The following CFAP418 variants were observed in gnomAD, a reference collection of about 807,000 sequenced individuals.
The protein encoded by CFAP418 is cilia- and flagella-associated protein 418.
A neutral mutation model predicts 24.7 loss-of-function variants in CFAP418; 27 were observed. The observed-to-expected ratio is 1.09, with a 90% CI of 0.81 to 1.51. The LOEUF (loss-of-function observed/expected upper bound fraction) is 1.51. Among genes scored for constraint, CFAP418 ranks in the 40% most tolerant of loss-of-function variants. The pLI is 0.00. For missense variants in CFAP418, 257 were observed against 255.2 expected (o/e 1.01, Z -0.05); for synonymous variants, 74 against 87.3 (o/e 0.85, Z 0.85).
intron 1 of CFAP418, among the ~76,000 whole-genome samples, chr8:95,264,032 T>C (rs1185310987): frequency 1.3e-5 from 2 of 152,224 alleles, no homozygotes; most frequent in African/African-American, 4.8e-5. Flanking sequence ...ATATACATTA[T>C]ATTCAAGAGG....
intron 2 of CFAP418, among the ~76,000 whole-genome samples, chr8:95,260,896 GA>G (rs1468257458): frequency 6.6e-6 from 1 of 152,122 alleles, no homozygotes; most frequent in Non-Finnish European, 1.5e-5. Flanking sequence ...TTCAATTGAG[GA>G]GGAAAAAAAC....
intron 4 of CFAP418, among the ~76,000 whole-genome samples, chr8:95,255,257 A>G (rs1431617070): frequency 6.6e-6 from 1 of 152,078 alleles, no homozygotes; most frequent in East Asian, 1.9e-4. Flanking sequence ...CTCTCTCTCC[A>G]GCCCAGTCAG....
At chr8:95,266,376 A>G (rs1811981250) in intron 1 of CFAP418, among the ~76,000 whole-genome samples, 1 of 152,142 alleles carries the variant, frequency 6.6e-6, no homozygotes, top group African/African-American at 2.4e-5. Context: ...ATCATTTTGA[A>G]CACTTCAACA....
intron 4 of CFAP418, among the ~76,000 whole-genome samples, chr8:95,255,524 T>A (rs1003886903): frequency 1.3e-5 from 2 of 152,252 alleles, no homozygotes; most frequent in South Asian, 4.1e-4. Context: ...GTATCCCATA[T>A]GTTCCCTTTA....
chr8:95,258,298 C>T (rs1263447922), intron 4 of CFAP418, among the ~76,000 whole-genome samples: 7 of 145,178 alleles, frequency 4.8e-5, no homozygotes, highest in South Asian at 2.2e-4. Context: ...AGGAGAATGG[C>T]GTGAACCTGG....
At chr8:95,263,075 A>G (rs7815255) in intron 2 of CFAP418, among the ~76,000 whole-genome samples, 52,874 of 151,984 alleles carry the variant, frequency 0.35, 9,727 homozygotes, top group South Asian at 0.46. Flanking sequence ...AGGCAATAGA[A>G]TAGGATTTAG....
At chr8:95,268,204 A>G (rs1023053196) in intron 1 of CFAP418, among the ~76,000 whole-genome samples, 1 of 152,172 alleles carries the variant, frequency 6.6e-6, no homozygotes, top group Non-Finnish European at 1.5e-5. Flanking sequence ...CCTAGCAGTT[A>G]GGGGAGGCAG....
At chr8:95,258,271 G>A (rs1224094575) in intron 4 of CFAP418, among the ~76,000 whole-genome samples, 2 of 150,858 alleles carry the variant, frequency 1.3e-5, no homozygotes, top group East Asian at 1.9e-4. Context: ...AGTCCCAGCT[G>A]CTCGGGAGGC....
At chr8:95,264,919 A>G (rs1811951552) in intron 1 of CFAP418, among the ~76,000 whole-genome samples, 1 of 152,178 alleles carries the variant, frequency 6.6e-6, no homozygotes, top group Non-Finnish European at 1.5e-5. Context: ...AGGTATGCTC[A>G]AGGCTTGCTT....
chr8:95,269,061 G>A lies in CFAP418; in HGVS notation c.129C>T (p.Asn43=), dbSNP rs759868148. ...CGGGTHSSDR[N]QAKAKETLRS... is the part of the protein sequence containing the mutation. ...TGAGCGTCTCTTTCGCCTTGGCTTG[G>A]TTCCGGTCGCTACTGTGGGTGCCGC... is the stretch of plus-strand genomic sequence containing the variant. Residue 43 remains asparagine, a synonymous_variant, in exon 1 of 6, where the codon AAC becomes AAT. Transcript: ENST00000286688. 6 of 1,614,148 alleles carry A rather than the reference G, an allele frequency of 3.7e-6. No homozygotes were observed. Among genetic ancestry groups the A allele is most frequent in the Non-Finnish European group, 5.1e-6 (6 of 1,180,002 alleles).
At chr8:95,263,145 G>A (rs987006994) in intron 2 of CFAP418, among the ~76,000 whole-genome samples, 1 of 152,104 alleles carries the variant, frequency 6.6e-6, no homozygotes, top group African/African-American at 2.4e-5. Context: ...GTCCAGTAAA[G>A]CAAATGTGGC....
rs1416541940 is a variant in CFAP418 at position 95,244,989 on chromosome 8, T to G, written c.*2628A>C. ...TACAGAGTAATTATTTATTACTTAT[T>G]CATTTCTAGGCAGGATGAGGGTCTG... is the stretch of plus-strand genomic sequence containing the variant. On this transcript the variant is annotated 3_prime_UTR_variant, in exon 6 of 6. Transcript: ENST00000286688. 1 of 152,198 alleles carries G rather than the reference T, an allele frequency of 6.6e-6. No individual in the cohort carries two copies. The highest frequency in any genetic ancestry group is 2.4e-5 in the African/African-American group (1 of 41,456). 9.4% of individuals were successfully genotyped at this position (152,198 alleles called of 1,614,324 possible). A position where few individuals can be genotyped will look rare whatever the true frequency, so the allele number is the denominator to read the frequency against.
At chr8:95,258,045 T>C (rs1263477706) in intron 4 of CFAP418, among the ~76,000 whole-genome samples, 1 of 152,056 alleles carries the variant, frequency 6.6e-6, no homozygotes, top group Non-Finnish European at 1.5e-5. Flanking sequence ...AGGCCCAGGC[T>C]AATGTGAGTG....
rs1199998229 is a variant in CFAP418, at chr8:95,259,703, G to T, written c.374+137C>A. The T allele has an allele frequency of 5.7e-6, 4 of 695,874 alleles. No individual in the cohort carries two copies. In the Admixed American group the frequency reaches 9.5e-5, roughly 16 times the overall value. The allele number at this position is 695,874 out of a possible 1,614,324, so 43.1% of individuals were successfully genotyped here. On this transcript the variant is annotated intron_variant, in intron 4 of 5. Coordinates refer to ENST00000286688, the MANE Select transcript of CFAP418 (RefSeq NM_177965.4). ...CTATCTCCCAAGAATAAAAAACAAA[G>T]AATTCTTAGATTAGCTAATAAAAAT...
At chr8:95,253,153 C>CA in intron 4 of CFAP418, among the ~76,000 whole-genome samples, 1 of 151,992 alleles carries the variant, frequency 6.6e-6, no homozygotes, top group African/African-American at 2.4e-5. Context: ...ACTAAAAATA[C>CA]AAAAAAATTA....
intron 1 of CFAP418, among the ~76,000 whole-genome samples, chr8:95,265,380 C>G (rs936367798): frequency 6.6e-6 from 1 of 152,070 alleles, no homozygotes; most frequent in South Asian, 2.1e-4. Context: ...TTTAAAATTT[C>G]TTTCAGGTAT....
At position 95,245,580 on chromosome 8, in the gene CFAP418, A is replaced by T. The variant is rs1363801033; in HGVS notation, c.*2037T>A. 1.3e-5 allele frequency: 2 copies of T among 152,130 alleles called. No individual in the cohort carries two copies. Among genetic ancestry groups the T allele is most frequent in the African/African-American group, 2.4e-5 (1 of 41,410 alleles). The allele number at this position is 152,130 out of a possible 1,614,324, so 9.4% of individuals were successfully genotyped here. The stretch of plus-strand genomic sequence containing the variant: ...ATGGTGAAACCCTGTCTCTATTAAA[A>T]ATACAAAAATTAGCTGGGCGTGGTG... On this transcript the variant is annotated 3_prime_UTR_variant, in exon 6 of 6. Coordinates refer to ENST00000286688, the MANE Select transcript of CFAP418 (RefSeq NM_177965.4).
intron 2 of CFAP418, among the ~76,000 whole-genome samples, chr8:95,262,700 G>C (rs560625895): frequency 6.6e-6 from 1 of 152,154 alleles, no homozygotes; most frequent in African/African-American, 2.4e-5. Context: ...AGTTGAAGAT[G>C]AGCACACCTT....
At chr8:95,264,773 C>T (rs906109161) in intron 1 of CFAP418, among the ~76,000 whole-genome samples, 5 of 152,032 alleles carry the variant, frequency 3.3e-5, no homozygotes, top group Non-Finnish European at 7.4e-5. Flanking sequence ...ATAATTTAAC[C>T]TGATATAAGA....
Sources: gnomAD v4.1 joint callset for allele counts (sites outside exome capture counted in the v4.1 genomes callset) on GRCh38, gnomAD v4.1.1 for gene constraint, MANE v1.5 for transcripts, NCBI Gene and HGNC (gene_info 2026-07-23, HGNC 2026-07-21) for gene names.